The following FHIP2A variants were observed in gnomAD, a reference collection of about 807,000 sequenced individuals.
The protein encoded by FHIP2A is FHF complex subunit HOOK interacting protein 2A, also known as family with sequence similarity 160 member B1.
A neutral mutation model predicts 93.5 loss-of-function variants in FHIP2A; 46 were observed. The observed-to-expected ratio is 0.49, with a 90% confidence interval of 0.39 to 0.63. The LOEUF (loss-of-function observed/expected upper bound fraction) is 0.63. Among genes scored for constraint, FHIP2A ranks in the 20% least tolerant of loss-of-function variants. FHIP2A has a pLI of 0.00. For missense variants in FHIP2A, 769 were observed against 909.7 expected (o/e 0.85, Z 1.99); for synonymous variants, 332 against 326.5 (o/e 1.02, Z -0.18).
chr10:114,831,059 T>A (rs544510695), intron 2 of FHIP2A, 129 bp downstream of exon 2: 3 of 567,804 alleles, frequency 5.3e-6, no homozygotes, highest in South Asian at 5.4e-5. Flanking sequence ...ATCTTATCTT[T>A]GTCTTTAAGA....
Position 114,861,348 on chromosome 10 carries a change from T to G in FHIP2A, c.2192+14T>G. On this transcript the variant is annotated intron_variant, in intron 16 of 16. Coordinates refer to ENST00000369248, the MANE Select transcript of FHIP2A (RefSeq NM_020940.4). The stretch of plus-strand genomic sequence containing the variant: ...TGAAGGCCCTATGTAAGTTAGTGTT[T>G]TACATTTTTTTAATCCAAAAATTTC... The G allele has an allele frequency of 6.2e-7, 1 of 1,613,586 alleles. No individual in the cohort carries two copies. Among genetic ancestry groups the G allele is most frequent in the Non-Finnish European group, 8.5e-7 (1 of 1,179,898 alleles).
chr10:114,853,042 C>T (rs542418494), intron 13 of FHIP2A, among the ~76,000 whole-genome samples: 70 of 152,278 alleles, frequency 4.6e-4, no homozygotes, highest in African/African-American at 1.6e-3. Context: ...GGTAACTACT[C>T]GTCTTCATGC....
intron 5 of FHIP2A, among the ~76,000 whole-genome samples, chr10:114,842,049 C>A (rs1018014163): frequency 2.0e-5 from 3 of 151,938 alleles, no homozygotes; most frequent in Admixed American, 6.6e-5. Flanking sequence ...TGAGTAGTTT[C>A]TTGGGTTCTC....
intron 16 of FHIP2A, among the ~76,000 whole-genome samples, chr10:114,880,123 A>G (rs2083909587): frequency 6.6e-6 from 1 of 152,202 alleles, no homozygotes; most frequent in Non-Finnish European, 1.5e-5. Flanking sequence ...CACACAGTGC[A>G]TGATTCAATT....
chr10:114,838,004 T>C (rs61596353), intron 5 of FHIP2A, among the ~76,000 whole-genome samples: 62,171 of 151,972 alleles, frequency 0.41, 13,319 homozygotes, highest in Non-Finnish European at 0.48. Context: ...TGGATTTAGG[T>C]TTTCATGTCA....
intron 16 of FHIP2A, among the ~76,000 whole-genome samples, chr10:114,879,659 G>A (rs2083907058): frequency 6.6e-6 from 1 of 152,076 alleles, no homozygotes; most frequent in South Asian, 2.1e-4. Flanking sequence ...CAACTGGGGG[G>A]CTTTGGTTTT....
At position 114,837,890 on chromosome 10, in the gene FHIP2A, A is replaced by G. The variant is rs553435764; in HGVS notation, c.522+1644A>G. Among the ~76,000 whole-genome samples, 6 of 152,336 alleles carry G rather than the reference A, an allele frequency of 3.9e-5. No homozygotes were observed. In the East Asian group the frequency reaches 1.2e-3, roughly 29 times the overall value. On this transcript the variant is annotated intron_variant, in intron 5 of 16. Coordinates refer to ENST00000369248, the MANE Select transcript of FHIP2A (RefSeq NM_020940.4). ...GAGTACTATACCATTGTATGGATGTACCACAGTTGTTTATCCATACACCAG... is the reference window on the plus strand; with the variant it reads ...GAGTACTATACCATTGTATGGATGTGCCACAGTTGTTTATCCATACACCAG...
intron 13 of FHIP2A, among the ~76,000 whole-genome samples, chr10:114,853,841 A>T (rs1163675057): frequency 1.3e-5 from 2 of 152,140 alleles, no homozygotes; most frequent in African/African-American, 4.8e-5. Context: ...TCTACTAAAA[A>T]TACAAAAATT....
At chr10:114,864,778 A>G (rs1036648197), downstream of FHIP2A, 13 of 903,552 alleles carry the variant, frequency 1.4e-5, no homozygotes, top group Admixed American at 8.0e-4. Context: ...AATCTCAAAC[A>G]ATTTTTAACT....
At position 114,864,455 on chromosome 10, in the gene FHIP2A, T is replaced by TAATACTCTGTTTTGC; in HGVS notation, c.*2916_*2930dup. 1.0e-6 allele frequency: 1 copy of TAATACTCTGTTTTGC among 985,884 alleles called. No individual in the cohort carries two copies. Among genetic ancestry groups the TAATACTCTGTTTTGC allele is most frequent in the Non-Finnish European group, 1.2e-6 (1 of 829,922 alleles). The allele number at this position is 985,884 out of a possible 1,614,324, so 61.1% of individuals were successfully genotyped here. On this transcript the variant is annotated 3_prime_UTR_variant, in exon 17 of 17. Coordinates refer to ENST00000369248, the MANE Select transcript of FHIP2A (RefSeq NM_020940.4). ...TGGGCCCTGTAAAATAGTGTTACTGTAATACTCTGTTTTGCCTCCTGCCTT... is the reference window on the plus strand; with the variant it reads ...TGGGCCCTGTAAAATAGTGTTACTGTAATACTCTGTTTTGCAATACTCTGTTTTGCCTCCTGCCTT...
At chr10:114,892,374 C>T (rs935801546) in intron 16 of FHIP2A, among the ~76,000 whole-genome samples, 2 of 152,060 alleles carry the variant, frequency 1.3e-5, no homozygotes, top group East Asian at 1.9e-4. Flanking sequence ...AGACCGGGTG[C>T]GGTGGCTCAC....
intron 16 of FHIP2A, among the ~76,000 whole-genome samples, chr10:114,893,586 G>C (rs1400921587): frequency 2.6e-5 from 4 of 152,114 alleles, no homozygotes; most frequent in Non-Finnish European, 5.9e-5. Flanking sequence ...CCAAAATCCA[G>C]TATAAAATCA....
At chr10:114,883,010 C>T (rs571504855) in intron 16 of FHIP2A, among the ~76,000 whole-genome samples, 24 of 151,940 alleles carry the variant, frequency 1.6e-4, no homozygotes, top group African/African-American at 4.4e-4. Flanking sequence ...AGGAGATGGG[C>T]GGAGACTGGC....
intron 3 of FHIP2A, among the ~76,000 whole-genome samples, chr10:114,834,762 TTTATA>T (rs1463808427): frequency 4.7e-4 from 71 of 152,324 alleles, no homozygotes; most frequent in African/African-American, 1.6e-3. Context: ...AATAATTTGA[TTTATA>T]TTATGATTAT....
chr10:114,833,269 C>G lies in FHIP2A; in HGVS notation c.161C>G (p.Ser54Trp). ...CCAGTGACCGATACAAATATTCCAT[C>G]GCATCTGGAACAGATGTTAGATATA... ...KAPVTDTNIPSHLEQMLDILV... is the reference protein window; with the variant it reads ...KAPVTDTNIPWHLEQMLDILV... Residue 54 changes from serine (S) to tryptophan (W), a missense_variant, in exon 3 of 17, where the codon TCG (serine) becomes TGG (tryptophan). Coordinates refer to ENST00000369248, the MANE Select transcript of FHIP2A (RefSeq NM_020940.4). 6.2e-7 allele frequency: 1 copy of G among 1,611,544 alleles called. No homozygotes were observed. Among genetic ancestry groups the G allele is most frequent in the Non-Finnish European group, 8.5e-7 (1 of 1,178,622 alleles).
chr10:114,828,666 C>T (rs146555279), intron 1 of FHIP2A, among the ~76,000 whole-genome samples: 313 of 152,246 alleles, frequency 2.1e-3, no homozygotes, highest in African/African-American at 6.9e-3. Flanking sequence ...ATACTGTTTT[C>T]CCAAGTTAAT....
At chr10:114,852,051 C>T (rs1592022515) in intron 13 of FHIP2A, among the ~76,000 whole-genome samples, 1 of 151,854 alleles carries the variant, frequency 6.6e-6, no homozygotes, top group African/African-American at 2.4e-5. Context: ...CCTGTAACTT[C>T]GCTGAACTCG....
chr10:114,865,236 C>T (rs1566379949), downstream of FHIP2A, among the ~76,000 whole-genome samples: 1 of 152,118 alleles, frequency 6.6e-6, no homozygotes, highest in Non-Finnish European at 1.5e-5. Context: ...GATCCACCTG[C>T]CTCGGCCTCC....
At chr10:114,890,566 CAT>C (rs1464264618) in intron 16 of FHIP2A, among the ~76,000 whole-genome samples, 3 of 146,060 alleles carry the variant, frequency 2.1e-5, no homozygotes, top group South Asian at 2.1e-4. Flanking sequence ...CTATATATGA[CAT>C]ATATAGTATA....
Sources: gnomAD v4.1 joint callset for allele counts (sites outside exome capture counted in the v4.1 genomes callset) on GRCh38, gnomAD v4.1.1 for gene constraint, MANE v1.5 for transcripts, NCBI Gene and HGNC (gene_info 2026-07-23, HGNC 2026-07-21) for gene names.